The following NTM variants were observed in gnomAD, a reference collection of about 807,000 sequenced individuals.
The protein encoded by NTM is IgLON family member 2.
NTM carries 13 observed loss-of-function variants against 42.1 expected under a neutral mutation model. That is an observed-to-expected ratio of 0.31 (90% CI 0.20 to 0.49). The LOEUF (loss-of-function observed/expected upper bound fraction) is 0.49. Among genes scored for constraint, NTM ranks in the 20% least tolerant of loss-of-function variants. NTM has a pLI of 0.99. For synonymous variants in NTM, 187 were observed against 179.2 expected (o/e 1.04, Z -0.35); for missense variants, 373 against 452.8 (o/e 0.82, Z 1.60).
chr11:131,690,058 T>C lies in NTM; in HGVS notation c.83-221506T>C, dbSNP rs529583503. On this transcript the variant is annotated intron_variant, in intron 1 of 8. Transcript: ENST00000683400. ...TTGCTGAATTCATGATGAGATCTCA[T>C]GATCACTCATGATGAGATCAGCACG... Among the ~76,000 whole-genome samples the C allele has an allele frequency of 1.1e-3, 168 of 152,248 alleles. 1 individual carries two copies. The highest frequency in any genetic ancestry group is 3.9e-3 in the African/African-American group (161 of 41,552).
rs973380860 is a variant in NTM at position 131,877,138 on chromosome 11, C to T, written c.83-34426C>T. 9.8e-5 allele frequency among the ~76,000 whole-genome samples: 15 copies of T among 152,336 alleles called. 1 individual carries two copies. The highest frequency in any genetic ancestry group is 6.2e-4 in the South Asian group (3 of 4,824). ...CCTCCCAAAGTGCTGGGATTGCAGG[C>T]GTGAGGCACTGCGCCAGGCCCCAAG... On this transcript the variant is annotated intron_variant, in intron 1 of 8. Transcript: ENST00000683400.
intron 1 of NTM, among the ~76,000 whole-genome samples, chr11:131,416,455 C>T (rs1946966877): frequency 6.6e-6 from 1 of 152,218 alleles, no homozygotes; most frequent in Admixed American, 6.5e-5. Flanking sequence ...TCTCCCTGAA[C>T]TCCCTTCTAC....
chr11:131,401,811 T>C (rs1945179992), intron 1 of NTM, among the ~76,000 whole-genome samples: 4 of 21,062 alleles, frequency 1.9e-4, no homozygotes, highest in South Asian at 2.6e-3. Context: ...TATATATATA[T>C]ATATATATAT....
intron 1 of NTM, among the ~76,000 whole-genome samples, chr11:131,851,997 G>T (rs954591445): frequency 4.6e-5 from 7 of 152,168 alleles, no homozygotes; most frequent in Non-Finnish European, 1.0e-4. Flanking sequence ...TGCTTGCCAT[G>T]TTGAGGATGA....
intron 3 of NTM, among the ~76,000 whole-genome samples, chr11:132,159,446 G>C (rs1009363153): frequency 2.0e-5 from 3 of 152,192 alleles, no homozygotes; most frequent in African/African-American, 7.2e-5. Flanking sequence ...CTTTGTTTCT[G>C]TTTGGAATTC....
rs553373831 is a variant in NTM at position 131,471,328 on chromosome 11, G to A, written c.82+100440G>A. 8.5e-5 allele frequency among the ~76,000 whole-genome samples: 13 copies of A among 152,220 alleles called. No homozygotes were observed. The East Asian group carries it at 9.6e-4, about 11-fold the overall frequency. ...AATCGCTCATTCAACCAGTTTTTACGGAGTGCTCTCTGTCAGGCACTGTCC... is the reference window on the plus strand; with the variant it reads ...AATCGCTCATTCAACCAGTTTTTACAGAGTGCTCTCTGTCAGGCACTGTCC... On this transcript the variant is annotated intron_variant, in intron 1 of 8. Coordinates refer to ENST00000683400, the MANE Select transcript of NTM (RefSeq NM_001352005.2).
At chr11:131,988,428 G>A (rs144234602) in intron 2 of NTM, among the ~76,000 whole-genome samples, 2,577 of 152,236 alleles carry the variant, frequency 0.017, 57 homozygotes, top group African/African-American at 0.058. Context: ...GGCATCCTGG[G>A]GACACTGCAT....
intron 3 of NTM, among the ~76,000 whole-genome samples, chr11:132,183,923 C>G (rs1206541168): frequency 6.6e-6 from 1 of 151,882 alleles, no homozygotes; most frequent in Non-Finnish European, 1.5e-5. Context: ...GCTCCAGAGT[C>G]TCATAACTAT....
intron 2 of NTM, among the ~76,000 whole-genome samples, chr11:131,943,385 C>T (rs773641153): frequency 5.9e-5 from 9 of 152,222 alleles, no homozygotes; most frequent in Non-Finnish European, 1.2e-4. Context: ...GGCTCTGCTG[C>T]CCTGCAGCAC....
At chr11:132,140,640 G>A (rs1035042340) in intron 2 of NTM, among the ~76,000 whole-genome samples, 2 of 152,208 alleles carry the variant, frequency 1.3e-5, no homozygotes, top group Admixed American at 1.3e-4. Context: ...GGAGTAAGGT[G>A]CTAGCTGATA....
At chr11:131,942,131 C>G (rs186296459) in intron 2 of NTM, among the ~76,000 whole-genome samples, 9 of 152,232 alleles carry the variant, frequency 5.9e-5, no homozygotes, top group Non-Finnish European at 1.0e-4. Flanking sequence ...AAACAGCCAG[C>G]TGTAAAGTAA....
chr11:132,185,656 A>G (rs2078277035), intron 3 of NTM, among the ~76,000 whole-genome samples: 1 of 152,190 alleles, frequency 6.6e-6, no homozygotes. Context: ...ATTAATAAAG[A>G]AAAAGAGTGT....
chr11:131,469,020 A>G (rs1434314182), intron 1 of NTM, among the ~76,000 whole-genome samples: 1 of 152,240 alleles, frequency 6.6e-6, no homozygotes, highest in Non-Finnish European at 1.5e-5. Flanking sequence ...GTTCTTACCC[A>G]TGGCCTGTGG....
At chr11:132,325,673 A>G (rs1365229825) in intron 7 of NTM, among the ~76,000 whole-genome samples, 1 of 152,162 alleles carries the variant, frequency 6.6e-6, no homozygotes, top group East Asian at 1.9e-4. Flanking sequence ...CTGGGTATAT[A>G]CCCAAAGGAC....
At chr11:131,579,771 G>A (rs185451911) in intron 1 of NTM, among the ~76,000 whole-genome samples, 1 of 152,290 alleles carries the variant, frequency 6.6e-6, no homozygotes, top group Non-Finnish European at 1.5e-5. Context: ...TACCTCCCAC[G>A]GCTGGGAAAA....
chr11:131,953,259 T>C (rs1417266219), intron 2 of NTM, among the ~76,000 whole-genome samples: 2 of 152,146 alleles, frequency 1.3e-5, no homozygotes, highest in African/African-American at 4.8e-5. Context: ...AGAGGCACGC[T>C]CTATTTTTTT....
chr11:132,331,985 T>C (rs1358790093), intron 8 of NTM, among the ~76,000 whole-genome samples: 1 of 152,120 alleles, frequency 6.6e-6, no homozygotes, highest in Non-Finnish European at 1.5e-5. Context: ...CGAAATGTAG[T>C]GCTCGGTCCA....
chr11:132,132,459 A>G (rs745518462), intron 2 of NTM, among the ~76,000 whole-genome samples: 16 of 152,240 alleles, frequency 1.1e-4, no homozygotes, highest in Non-Finnish European at 1.8e-4. Context: ...CTGGAGAGTG[A>G]ACACTGCATC....
Position 131,948,565 on chromosome 11 carries a change from A to G in NTM, c.167+36917A>G, listed in dbSNP as rs928167268. ...ACCTGCTTTGCTTCTAGGAGGAGTGATTGCTTGTCCTAAAATCAGTGTGTC... is the reference window on the plus strand; with the variant it reads ...ACCTGCTTTGCTTCTAGGAGGAGTGGTTGCTTGTCCTAAAATCAGTGTGTC... On this transcript the variant is annotated intron_variant, in intron 2 of 8. Transcript: ENST00000683400. Among the ~76,000 whole-genome samples the G allele has an allele frequency of 6.6e-5, 10 of 152,178 alleles. No homozygotes were observed. In the East Asian group the frequency reaches 1.9e-3, roughly 30 times the overall value.
Sources: gnomAD v4.1 joint callset for allele counts (sites outside exome capture counted in the v4.1 genomes callset) on GRCh38, gnomAD v4.1.1 for gene constraint, MANE v1.5 for transcripts, NCBI Gene and HGNC (gene_info 2026-07-23, HGNC 2026-07-21) for gene names.